The following ACSBG1 variants were observed in gnomAD, a reference collection of about 807,000 sequenced individuals.
The protein encoded by ACSBG1 is acyl-CoA synthetase bubblegum family member 1.
In ACSBG1, 39 loss-of-function variants were observed where a neutral mutation model predicts 80.2. That is an observed-to-expected ratio of 0.49 (90% CI 0.38 to 0.64). The LOEUF is 0.64. ACSBG1 is among the 30% of genes least tolerant of loss of function. The probability of loss-of-function intolerance (pLI) is 0.00; values close to 1 mark genes in which losing one functional copy is unlikely to be tolerated. For missense variants in ACSBG1, 828 were observed against 966.4 expected, an observed-to-expected ratio of 0.86 and a Z score of 1.90; for synonymous variants, 392 against 379.5, an observed-to-expected ratio of 1.03 and a Z score of -0.38.
At chr15:78,204,800 T>C (rs190603704) in intron 2 of ACSBG1, among the ~76,000 whole-genome samples, 132 of 152,314 alleles carry the variant, frequency 8.7e-4, no homozygotes, top group African/African-American at 3.0e-3. Context: ...AAGCATTGTA[T>C]CAGGCCTCTT....
chr15:78,173,482 T>C, intron 13 of ACSBG1, 111 bp downstream of exon 13: 1 of 1,461,578 alleles, frequency 6.8e-7, no homozygotes, highest in Non-Finnish European at 9.2e-7. Context: ...CCCAGATTCC[T>C]GCCATGACCT....
chr15:78,200,842 C>A (rs1341846337), intron 2 of ACSBG1, among the ~76,000 whole-genome samples: 1 of 152,172 alleles, frequency 6.6e-6, no homozygotes, highest in African/African-American at 2.4e-5. Context: ...CAAAAGCCCC[C>A]GATGGCTCTC....
At position 78,171,397 on chromosome 15, in the gene ACSBG1, G is replaced by C. The variant is rs199991915; in HGVS notation, c.*47C>G. 2.6e-6 allele frequency: 4 copies of C among 1,533,846 alleles called. No individual in the cohort carries two copies. In the African/African-American group the frequency reaches 5.5e-5, roughly 21 times the overall value. On this transcript the variant is annotated 3_prime_UTR_variant, in exon 14 of 14. Transcript: ENST00000258873. The stretch of plus-strand genomic sequence containing the variant: ...AGACCTGGGGCTCAGGAAGAGGCTC[G>C]GAACGCCTGCCCTCTATTCTATAGA...
In ACSBG1 at chr15:78,181,892, C is replaced by T. The variant is rs1025654348; in HGVS notation, c.1071+77G>A. On this transcript the variant is annotated intron_variant, in intron 8 of 13. Transcript: ENST00000258873. ...CACAGGAACAGCACACACACAAATG[C>T]ACTCAGGGCCCACAGACACATGTGG... 10 of 1,531,756 alleles carry T rather than the reference C, an allele frequency of 6.5e-6. No homozygotes were observed. The African/African-American group carries it at 6.8e-5, about 10-fold the overall frequency. 94.9% of individuals were successfully genotyped at this position (1,531,756 alleles called of 1,614,324 possible).
At chr15:78,197,085 TAAA>T (rs563621945) in intron 2 of ACSBG1, among the ~76,000 whole-genome samples, 2 of 151,404 alleles carry the variant, frequency 1.3e-5, no homozygotes, top group South Asian at 4.2e-4. Context: ...TAAATCAAAT[TAAA>T]TAATAAATTA....
In ACSBG1 at chr15:78,178,516, G is replaced by T; in HGVS notation, c.1702+98C>A. 7.6e-7 allele frequency: 1 copy of T among 1,312,958 alleles called. No individual in the cohort carries two copies. The highest frequency in any genetic ancestry group is 1.0e-6 in the Non-Finnish European group (1 of 971,826). 81.3% of individuals were successfully genotyped at this position (1,312,958 alleles called of 1,614,324 possible). ...GGGGTTTCGCTGTGCTGCCCAGGGT[G>T]GTCTTGAACTCCTGAGCTCAGACAA... On this transcript the variant is annotated intron_variant, in intron 11 of 13. Transcript: ENST00000258873. This position sits in a 1 kb window ranked among gnomAD's most constrained non-coding sequence, Gnocchi z 4.3.
intron 5 of ACSBG1, among the ~76,000 whole-genome samples, chr15:78,188,954 G>T (rs1170101155): frequency 6.8e-6 from 1 of 148,014 alleles, no homozygotes; most frequent in East Asian, 2.0e-4. Context: ...AATCTACAAT[G>T]AACTCAAACA....
chr15:78,229,243 T>A (rs987929312), intron 1 of ACSBG1, among the ~76,000 whole-genome samples: 1 of 152,198 alleles, frequency 6.6e-6, no homozygotes, highest in Non-Finnish European at 1.5e-5. Context: ...TATTCTACAA[T>A]AAACAATTTT....
At chr15:78,207,925 A>ACC in intron 2 of ACSBG1, 77 bp downstream of exon 2, 2 of 454,976 alleles carry the variant, frequency 4.4e-6, no homozygotes, top group Non-Finnish European at 4.3e-6. Context: ...GGTCCCCCAC[A>ACC]CCACCCACCC....
At position 78,174,385 on chromosome 15, in the gene ACSBG1, C is replaced by G; in HGVS notation, c.1842G>C (p.Lys614Asn). The G allele has an allele frequency of 6.2e-7, 1 of 1,614,208 alleles. No individual in the cohort carries two copies. Among genetic ancestry groups the G allele is most frequent in the Non-Finnish European group, 8.5e-7 (1 of 1,180,026 alleles). ...CTGAGCTGGAGCCCCCCAGACACACCTTCAAGGTGAGCAGCATGGACAGGA... is the reference window on the plus strand; with the variant it reads ...CTGAGCTGGAGCCCCCCAGACACACGTTCAAGGTGAGCAGCATGGACAGGA... Reference protein sequence around the residue: ...RKFLSMLLTLKCTLDPDTSDQ... With the variant: ...RKFLSMLLTLNCTLDPDTSDQ... The change falls in exon 12 of 14, where the codon AAG (lysine) becomes AAC (asparagine). Residue 614 changes from lysine to asparagine, a missense_variant and splice_region_variant. Physicochemically the swap from Lys to Asn is moderately conservative, Grantham distance 94. Transcript: ENST00000258873.
At chr15:78,230,728 G>A (rs144849648) in intron 1 of ACSBG1, among the ~76,000 whole-genome samples, 5 of 152,270 alleles carry the variant, frequency 3.3e-5, no homozygotes, top group East Asian at 1.9e-4. Context: ...TCAAGCTCTC[G>A]TCTTGTCTGC....
intron 2 of ACSBG1, among the ~76,000 whole-genome samples, chr15:78,199,304 C>T (rs762691776): frequency 4.0e-5 from 6 of 151,290 alleles, no homozygotes; most frequent in East Asian, 2.0e-4. Flanking sequence ...AGGCTGGTAT[C>T]GAACTCCTGA....
rs761023185 is a variant in ACSBG1, at chr15:78,169,049, C to T, written c.*2395G>A. ...TTACATCAGTCACTCTAAATGGACA[C>T]CACATGAACCTCTGTTTAGAATACC... On this transcript the variant is annotated 3_prime_UTR_variant, in exon 14 of 14. Coordinates refer to ENST00000258873, the MANE Select transcript of ACSBG1 (RefSeq NM_015162.5). 2 of 1,183,386 alleles carry T rather than the reference C, an allele frequency of 1.7e-6. No homozygotes were observed. Among genetic ancestry groups the T allele is most frequent in the African/African-American group, 1.5e-5 (1 of 66,400 alleles). 73.3% of individuals were successfully genotyped at this position (1,183,386 alleles called of 1,614,324 possible). A position where few individuals can be genotyped will look rare whatever the true frequency, so the allele number is the denominator to read the frequency against.
intron 2 of ACSBG1, among the ~76,000 whole-genome samples, chr15:78,201,717 TAGA>T (rs911005619): frequency 4.6e-5 from 7 of 152,316 alleles, no homozygotes; most frequent in South Asian, 2.1e-4. Flanking sequence ...TCCCTCTCTA[TAGA>T]AGAAGAAGTC....
rs151289525 is a variant in ACSBG1, at chr15:78,172,414, C to T, written c.2090-885G>A. On this transcript the variant is annotated intron_variant, in intron 13 of 13. Coordinates refer to ENST00000258873, the MANE Select transcript of ACSBG1 (RefSeq NM_015162.5). This position sits in a 1 kb window ranked among gnomAD's most constrained non-coding sequence, Gnocchi z 4.1. ...AAGCCCAGGTTATGGGGAGCCTCTG[C>T]CATGGTCTTTATGAGAGGTCTTCCC... Among the ~76,000 whole-genome samples, 373 of 152,190 alleles carry T rather than the reference C, an allele frequency of 2.5e-3. 4 individuals are homozygous for T. Among genetic ancestry groups the T allele is most frequent in the African/African-American group, 8.2e-3 (340 of 41,504 alleles).
chr15:78,218,039 G>C (rs2075326988), intron 1 of ACSBG1, among the ~76,000 whole-genome samples: 1 of 152,140 alleles, frequency 6.6e-6, no homozygotes, highest in South Asian at 2.1e-4. Context: ...AAGGCTACTA[G>C]AAAATCACCA....
At chr15:78,194,076 G>GCC in intron 3 of ACSBG1, 56 bp from the exon 4 acceptor site, 1 of 1,555,908 alleles carries the variant, frequency 6.4e-7, no homozygotes, top group African/African-American at 1.4e-5. Context: ...GGACCCTCAT[G>GCC]CCCCTCTCAG....
intron 1 of ACSBG1, among the ~76,000 whole-genome samples, chr15:78,215,374 T>A (rs2075298945): frequency 6.6e-6 from 1 of 152,114 alleles, no homozygotes; most frequent in Non-Finnish European, 1.5e-5. Context: ...ACCTCAACAG[T>A]GGCCAGGCAT....
At chr15:78,206,037 A>G (rs1000884976) in intron 2 of ACSBG1, among the ~76,000 whole-genome samples, 1 of 150,056 alleles carries the variant, frequency 6.7e-6, no homozygotes, top group African/African-American at 2.4e-5. Flanking sequence ...CCCCAAGGAC[A>G]CCAGGGCTGC....
Sources: gnomAD v4.1 joint callset for allele counts (sites outside exome capture counted in the v4.1 genomes callset) on GRCh38, gnomAD v4.1.1 for gene constraint, Gnocchi (gnomAD v3.1) non-coding constraint, MANE v1.5 for transcripts, NCBI Gene and HGNC (gene_info 2026-07-23, HGNC 2026-07-21) for gene names.